SPAG16: variants seen among roughly 807,000 people sequenced by gnomAD.
SPAG16 encodes sperm-associated antigen 16 protein.
SPAG16 carries 86 observed loss-of-function variants against 80.4 expected under a neutral mutation model. That is an observed-to-expected ratio of 1.07 (90% CI 0.90 to 1.28). SPAG16 has a LOEUF of 1.28. SPAG16 is among the 50% of genes most tolerant of loss of function. The probability of loss-of-function intolerance (pLI) is 0.00; values close to 1 mark genes in which losing one functional copy is unlikely to be tolerated. For missense variants in SPAG16, 870 were observed against 765.3 expected (o/e 1.14, Z -1.61); for synonymous variants, 294 against 265.9 (o/e 1.11, Z -1.03).
intron 15 of SPAG16, among the ~76,000 whole-genome samples, chr2:214,196,504 A>G (rs2057843187): frequency 1.3e-5 from 2 of 152,076 alleles, no homozygotes; most frequent in Admixed American, 1.3e-4. Context: ...TAAATTCAGA[A>G]TGGAAGAATG....
chr2:213,298,814 C>A (rs2062608943), intron 3 of SPAG16, among the ~76,000 whole-genome samples: 1 of 152,134 alleles, frequency 6.6e-6, no homozygotes, highest in South Asian at 2.1e-4. Context: ...ATGTCTGTAG[C>A]TGATTGACTC....
intron 10 of SPAG16, among the ~76,000 whole-genome samples, chr2:213,608,698 A>G (rs1309242949): frequency 2.0e-5 from 3 of 152,204 alleles, no homozygotes; most frequent in Non-Finnish European, 2.9e-5. Context: ...CAGTAATGGG[A>G]TGGGAGGTGG....
chr2:213,377,886 T>C, intron 9 of SPAG16, among the ~76,000 whole-genome samples: 1 of 92,484 alleles, frequency 1.1e-5, no homozygotes, highest in East Asian at 2.0e-4. Flanking sequence ...GATGTGTATA[T>C]ATATATATAT....
intron 15 of SPAG16, among the ~76,000 whole-genome samples, chr2:214,380,450 GT>G (rs1242729772): frequency 6.6e-6 from 1 of 152,178 alleles, no homozygotes; most frequent in African/African-American, 2.4e-5. Flanking sequence ...TTCAAGAACT[GT>G]TAATAATGAG....
intron 10 of SPAG16, among the ~76,000 whole-genome samples, chr2:213,668,480 AT>A (rs1441833647): frequency 1.3e-5 from 2 of 152,074 alleles, no homozygotes; most frequent in East Asian, 1.9e-4. Flanking sequence ...GGGTAAAGTA[AT>A]TTTTTTACAG....
At chr2:213,810,905 C>T (rs986245999) in intron 10 of SPAG16, among the ~76,000 whole-genome samples, 24 of 152,182 alleles carry the variant, frequency 1.6e-4, no homozygotes, top group African/African-American at 5.1e-4. Flanking sequence ...AAGACCATTC[C>T]GATTTGGAAC....
chr2:213,438,145 T>G (rs958306263), intron 9 of SPAG16, among the ~76,000 whole-genome samples: 1 of 152,228 alleles, frequency 6.6e-6, no homozygotes, highest in African/African-American at 2.4e-5. Context: ...TTGCCTGTTA[T>G]CTTTTATTTT....
At chr2:213,577,216 G>C (rs1441181495) in intron 10 of SPAG16, among the ~76,000 whole-genome samples, 2 of 152,030 alleles carry the variant, frequency 1.3e-5, no homozygotes, top group African/African-American at 4.8e-5. Context: ...AATTTAAAAA[G>C]AAAATATTCT....
chr2:213,317,427 T>C, intron 5 of SPAG16, 71 bp downstream of exon 5: 1 of 1,492,596 alleles, frequency 6.7e-7, no homozygotes, highest in South Asian at 1.4e-5. Context: ...GTGAAGCTGA[T>C]ATATGTAATA....
At chr2:213,502,076 A>G (rs1330594339) in intron 10 of SPAG16, among the ~76,000 whole-genome samples, 1 of 152,138 alleles carries the variant, frequency 6.6e-6, no homozygotes, top group Non-Finnish European at 1.5e-5. Context: ...CTGGAATAGG[A>G]CATAGTAAGT....
intron 9 of SPAG16, among the ~76,000 whole-genome samples, chr2:213,456,307 G>T (rs1009220265): frequency 6.6e-6 from 1 of 151,890 alleles, no homozygotes; most frequent in Non-Finnish European, 1.5e-5. Context: ...CTTCATTTTT[G>T]ATTTACAAAC....
At chr2:213,547,044 T>C (rs189981963) in intron 10 of SPAG16, among the ~76,000 whole-genome samples, 6 of 152,274 alleles carry the variant, frequency 3.9e-5, no homozygotes, top group African/African-American at 1.4e-4. Flanking sequence ...GGAGCATAGA[T>C]TAAAATAATG....
chr2:213,803,651 A>C (rs2071556818), intron 10 of SPAG16, among the ~76,000 whole-genome samples: 1 of 152,208 alleles, frequency 6.6e-6, no homozygotes, highest in Admixed American at 6.5e-5. Flanking sequence ...TCTTACCTCC[A>C]ATTTTTGTCT....
At chr2:213,973,121 C>T (rs1354361190) in intron 12 of SPAG16, among the ~76,000 whole-genome samples, 1 of 152,156 alleles carries the variant, frequency 6.6e-6, no homozygotes, top group Non-Finnish European at 1.5e-5. Context: ...TGGACATCAG[C>T]CAATGATGAA....
chr2:214,287,406 T>C (rs1453462438), intron 15 of SPAG16, among the ~76,000 whole-genome samples: 1 of 152,242 alleles, frequency 6.6e-6, no homozygotes, highest in East Asian at 1.9e-4. Flanking sequence ...ATTTGATATA[T>C]TGACATTTTT....
chr2:213,641,960 G>A (rs2062608156), intron 10 of SPAG16, among the ~76,000 whole-genome samples: 1 of 152,190 alleles, frequency 6.6e-6, no homozygotes, highest in African/African-American at 2.4e-5. Flanking sequence ...CAGATGTCAT[G>A]ATAAGTCACT....
At chr2:214,239,851 A>G (rs1308237876) in intron 15 of SPAG16, 1 of 152,148 alleles carries the variant, frequency 6.6e-6, no homozygotes, top group East Asian at 1.9e-4. Context: ...TAAATTGGGA[A>G]GCATATGCAC....
intron 10 of SPAG16, among the ~76,000 whole-genome samples, chr2:213,785,952 A>G (rs1217227979): frequency 6.6e-6 from 1 of 151,638 alleles, no homozygotes; most frequent in Admixed American, 6.6e-5. Context: ...GTTTGCAGTG[A>G]GCCGAGATCA....
At position 214,371,060 on chromosome 2, in the gene SPAG16, C is replaced by T. The variant is rs117810996; in HGVS notation, c.1721-39080C>T. Among the ~76,000 whole-genome samples the T allele has an allele frequency of 3.6e-4, 55 of 152,186 alleles. No individual in the cohort carries two copies. In the East Asian group the frequency reaches 0.01, roughly 29 times the overall value. Reference sequence around the variant, plus strand: ...GGAGGGATTTTCACTTTAATGGAGGCATTGTCAGTTTCAGAGATTAAGGTG... The same window carrying T: ...GGAGGGATTTTCACTTTAATGGAGGTATTGTCAGTTTCAGAGATTAAGGTG... On this transcript the variant is annotated intron_variant, in intron 15 of 15. Transcript: ENST00000331683.
Sources: allele counts gnomAD v4.1 joint callset (sites outside exome capture counted in the v4.1 genomes callset), GRCh38; gene constraint gnomAD v4.1.1; transcripts MANE v1.5; gene names NCBI Gene and HGNC (gene_info 2026-07-23, HGNC 2026-07-21).